TGFBR3: variants seen among roughly 807,000 people sequenced by gnomAD.
TGFBR3 encodes the protein transforming growth factor beta receptor 3.
Under a neutral mutation model 87.9 loss-of-function variants are expected in TGFBR3, and 46 were observed. That is an observed-to-expected ratio of 0.52 (90% CI 0.41 to 0.67). The LOEUF (loss-of-function observed/expected upper bound fraction) is 0.67, where lower values mean the gene tolerates loss of function less well. Ranked by LOEUF, TGFBR3 falls within the 30% of genes least tolerant of loss-of-function variation. TGFBR3 has a pLI of 0.00. For synonymous variants in TGFBR3, 381 were observed against 391.6 expected (o/e 0.97, Z 0.32); for missense variants, 866 against 1,041.9 (o/e 0.83, Z 2.32).
chr1:91,743,665 CA>C (rs1399668425), intron 4 of TGFBR3, among the ~76,000 whole-genome samples: 5 of 152,050 alleles, frequency 3.3e-5, no homozygotes, highest in Admixed American at 6.5e-5. Context: ...GTGTTGGGTA[CA>C]AAAAAGATAC....
chr1:91,702,814 G>A (rs1671668410), intron 14 of TGFBR3, among the ~76,000 whole-genome samples: 1 of 152,208 alleles, frequency 6.6e-6, no homozygotes, highest in African/African-American at 2.4e-5. Context: ...GGAAGCCGAT[G>A]CAGGCAGATC....
At chr1:91,693,118 G>C (rs1407989746) in intron 16 of TGFBR3, among the ~76,000 whole-genome samples, 1 of 152,170 alleles carries the variant, frequency 6.6e-6, no homozygotes, top group South Asian at 2.1e-4. Context: ...AAGGGGTTCT[G>C]GAAAAGAACT....
At chr1:91,856,427 C>G (rs935905448) in intron 2 of TGFBR3, among the ~76,000 whole-genome samples, 2 of 152,168 alleles carry the variant, frequency 1.3e-5, no homozygotes, top group South Asian at 4.2e-4. Context: ...CCGACCCACC[C>G]GGCCCCGACT....
chr1:91,731,325 A>T (rs1672759792), intron 5 of TGFBR3, among the ~76,000 whole-genome samples: 1 of 152,030 alleles, frequency 6.6e-6, no homozygotes. Context: ...CTGGGGCATC[A>T]TGGCTCTGGC....
chr1:91,857,638 C>T (rs1180378397), intron 2 of TGFBR3, among the ~76,000 whole-genome samples: 1 of 152,170 alleles, frequency 6.6e-6, no homozygotes, highest in Non-Finnish European at 1.5e-5. Flanking sequence ...ACAAGCAACT[C>T]AAAAGAAGGG....
chr1:91,728,046 A>G (rs944541077), intron 6 of TGFBR3: 2 of 544,950 alleles, frequency 3.7e-6, no homozygotes, highest in Non-Finnish European at 6.6e-6. Flanking sequence ...CTCTTCTTTG[A>G]TGGAAAAGAG....
chr1:91,898,842 A>T (rs1281049561), intron 2 of TGFBR3, among the ~76,000 whole-genome samples: 1 of 151,976 alleles, frequency 6.6e-6, no homozygotes, highest in Non-Finnish European at 1.5e-5. Flanking sequence ...TGATTTTAAA[A>T]CCCATCTGTG....
At chr1:91,834,688 T>C (rs549185915) in intron 2 of TGFBR3, among the ~76,000 whole-genome samples, 1 of 152,272 alleles carries the variant, frequency 6.6e-6, no homozygotes, top group East Asian at 1.9e-4. Context: ...TTGGTTTGGT[T>C]TGGTTTTTAA....
chr1:91,750,226 C>A (rs1673487951), intron 4 of TGFBR3, among the ~76,000 whole-genome samples: 1 of 152,192 alleles, frequency 6.6e-6, no homozygotes, highest in Non-Finnish European at 1.5e-5. Context: ...GCAAATCTCC[C>A]AGGGGCCACG....
At chr1:91,900,259 G>A (rs11585105) in intron 1 of TGFBR3, among the ~76,000 whole-genome samples, 49,980 of 151,926 alleles carry the variant, frequency 0.33, 9,428 homozygotes, top group Admixed American at 0.43. Context: ...GACTACAGGC[G>A]TGTGCCACCA....
At chr1:91,824,329 G>C (rs551353063) in intron 2 of TGFBR3, among the ~76,000 whole-genome samples, 59 of 152,224 alleles carry the variant, frequency 3.9e-4, no homozygotes, top group African/African-American at 1.3e-3. Flanking sequence ...TTAATATTTA[G>C]ATTATAGGCA....
intron 7 of TGFBR3, among the ~76,000 whole-genome samples, chr1:91,722,504 T>C (rs1012095334): frequency 3.9e-5 from 6 of 152,084 alleles, no homozygotes; most frequent in African/African-American, 7.2e-5. Flanking sequence ...CTTTCCCTTT[T>C]TTTTACTTAA....
chr1:91,839,018 C>T (rs1417465246), intron 2 of TGFBR3, among the ~76,000 whole-genome samples: 1 of 152,134 alleles, frequency 6.6e-6, no homozygotes, highest in Non-Finnish European at 1.5e-5. Flanking sequence ...CACTCTGTCA[C>T]CCAGGCTAGA....
rs540035262 is a variant in TGFBR3, at chr1:91,813,387, T to C, written c.62-15916A>G. ...AGAAGTTCTAAGAGAAAAAAACAAA[T>C]GTATAACTAGGTATGACAAAGTTCT... is the stretch of plus-strand genomic sequence containing the variant. On this transcript the variant is annotated intron_variant, in intron 2 of 16. Coordinates refer to ENST00000212355, the MANE Select transcript of TGFBR3 (RefSeq NM_003243.5). Among the ~76,000 whole-genome samples, 410 of 152,306 alleles carry C rather than the reference T, an allele frequency of 2.7e-3. 3 individuals are homozygous for C. The highest frequency in any genetic ancestry group is 9.6e-3 in the African/African-American group (399 of 41,572).
intron 13 of TGFBR3, among the ~76,000 whole-genome samples, chr1:91,710,683 T>C (rs778666997): frequency 6.6e-6 from 1 of 152,158 alleles, no homozygotes; most frequent in Non-Finnish European, 1.5e-5. Flanking sequence ...TAAAGGGCTG[T>C]CATTGTACAT....
At chr1:91,826,823 G>A (rs1419681764) in intron 2 of TGFBR3, among the ~76,000 whole-genome samples, 1 of 151,472 alleles carries the variant, frequency 6.6e-6, no homozygotes, top group African/African-American at 2.4e-5. Flanking sequence ...CAGAGCAGGG[G>A]GCCAGGAGTT....
At chr1:91,903,337 T>TAAAAAA (rs1176997739) in intron 1 of TGFBR3, among the ~76,000 whole-genome samples, 3 of 3,004 alleles carry the variant, frequency 1.0e-3, no homozygotes, top group Non-Finnish European at 3.0e-3. Flanking sequence ...AGATTCTGCC[T>TAAAAAA]CAAAAAAAAA....
In TGFBR3 at chr1:91,767,983, C is replaced by A. The variant is rs529599260; in HGVS notation, c.247-9233G>T. 1.7e-4 allele frequency among the ~76,000 whole-genome samples: 26 copies of A among 151,880 alleles called. No homozygotes were observed. The South Asian group carries it at 2.7e-3, about 16-fold the overall frequency. ...ATCCCAGCACTTTGGGAGGCCAAGG[C>A]AGGAGGATCACCTGAGGTCGGGAGT... On this transcript the variant is annotated intron_variant, in intron 3 of 16. Coordinates refer to ENST00000212355, the MANE Select transcript of TGFBR3 (RefSeq NM_003243.5).
At chr1:91,901,708 G>T (rs1679723707) in intron 1 of TGFBR3, among the ~76,000 whole-genome samples, 1 of 151,356 alleles carries the variant, frequency 6.6e-6, no homozygotes, top group African/African-American at 2.4e-5. Context: ...TGAGACCTGG[G>T]TTAAAGACCA....
Sources: allele counts gnomAD v4.1 joint callset (sites outside exome capture counted in the v4.1 genomes callset), GRCh38; gene constraint gnomAD v4.1.1; transcripts MANE v1.5; gene names NCBI Gene and HGNC (gene_info 2026-07-23, HGNC 2026-07-21).